The following CDH19 variants were observed in gnomAD, a reference collection of about 807,000 sequenced individuals.
CDH19 encodes cadherin 19, also known as cadherin-19.
Under a neutral mutation model 64.2 loss-of-function variants are expected in CDH19, and 67 were observed. That is an observed-to-expected ratio of 1.04 (90% CI 0.86 to 1.28). CDH19 has a LOEUF of 1.28. Among genes scored for constraint, CDH19 ranks in the 50% most tolerant of loss-of-function variants. CDH19 has a pLI of 0.00. For missense variants in CDH19, 1,030 were observed against 929.0 expected, an observed-to-expected ratio of 1.11 and a Z score of -1.41; for synonymous variants, 346 against 319.3, an observed-to-expected ratio of 1.08 and a Z score of -0.89.
At chr18:66,596,576 T>G (rs1988894373) in intron 1 of CDH19, among the ~76,000 whole-genome samples, 1 of 151,982 alleles carries the variant, frequency 6.6e-6, no homozygotes, top group Non-Finnish European at 1.5e-5. Context: ...ATAAAATACC[T>G]AGGAACACAG....
chr18:66,555,520 T>C (rs371468202), intron 3 of CDH19, among the ~76,000 whole-genome samples: 1 of 151,922 alleles, frequency 6.6e-6, no homozygotes, highest in South Asian at 2.1e-4. Flanking sequence ...TAATGCTATT[T>C]AACATTTGTT....
chr18:66,564,536 A>C (rs566409973), intron 3 of CDH19, among the ~76,000 whole-genome samples: 1 of 152,062 alleles, frequency 6.6e-6, no homozygotes, highest in South Asian at 2.1e-4. Flanking sequence ...GAGAGTGGAT[A>C]GTCTTTTTAC....
chr18:66,505,259 C>T lies in CDH19; in HGVS notation c.1872G>A (p.Gln624=). The change falls in exon 12 of 12, where the codon CAG becomes CAA. Residue 624 remains glutamine, a synonymous_variant. Transcript: ENST00000262150. ...CTTCACTTTTCTCAGGAAATAGAAT[C>T]TGTTTTCTCCGTTGTTTTAAACCCA... ...LTLGLKQRRK[Q]ILFPEKSEDF... is the part of the protein sequence containing the mutation. 1 of 1,586,912 alleles carries T rather than the reference C, an allele frequency of 6.3e-7. No homozygotes were observed.
intron 3 of CDH19, among the ~76,000 whole-genome samples, chr18:66,561,593 T>C (rs1987725220): frequency 6.6e-6 from 1 of 152,088 alleles, no homozygotes; most frequent in South Asian, 2.1e-4. Flanking sequence ...GAAAAAATGC[T>C]TTTTGGGGGA....
At chr18:66,577,187 A>C (rs192211336) in intron 1 of CDH19, among the ~76,000 whole-genome samples, 9 of 151,998 alleles carry the variant, frequency 5.9e-5, no homozygotes, top group Admixed American at 1.3e-4. Flanking sequence ...AATTAAAATT[A>C]AAATACAAAA....
intron 8 of CDH19, among the ~76,000 whole-genome samples, chr18:66,530,219 A>G (rs1986389921): frequency 1.3e-5 from 2 of 152,112 alleles, no homozygotes; most frequent in African/African-American, 2.4e-5. Flanking sequence ...GTAATAAGTG[A>G]TGAGAAAAAG....
chr18:66,587,274 G>A (rs188511482), intron 1 of CDH19, among the ~76,000 whole-genome samples: 1 of 152,236 alleles, frequency 6.6e-6, no homozygotes, highest in Non-Finnish European at 1.5e-5. Context: ...GAAACGCAGA[G>A]GTTAAGATAC....
At chr18:66,561,813 C>A (rs1987733223) in intron 3 of CDH19, among the ~76,000 whole-genome samples, 1 of 152,030 alleles carries the variant, frequency 6.6e-6, no homozygotes, top group African/African-American at 2.4e-5. Flanking sequence ...TGATAATAAA[C>A]ATACAAATAT....
At chr18:66,563,171 C>A (rs1253277737) in intron 3 of CDH19, among the ~76,000 whole-genome samples, 1 of 151,922 alleles carries the variant, frequency 6.6e-6, no homozygotes, top group Admixed American at 6.6e-5. Flanking sequence ...AAATTAGCAA[C>A]CTGTGGCGAG....
At chr18:66,566,192 GA>G (rs2144563000) in intron 3 of CDH19, among the ~76,000 whole-genome samples, 1 of 151,298 alleles carries the variant, frequency 6.6e-6, no homozygotes, top group Admixed American at 6.6e-5. Context: ...TGACAAAATA[GA>G]AACGTTTATT....
intron 1 of CDH19, among the ~76,000 whole-genome samples, chr18:66,595,917 C>A (rs1451433020): frequency 2.0e-5 from 3 of 152,004 alleles, no homozygotes; most frequent in African/African-American, 7.3e-5. Flanking sequence ...AAGTCCTCAA[C>A]AAAATACTAA....
chr18:66,595,670 T>TA (rs1189657646), intron 1 of CDH19, among the ~76,000 whole-genome samples: 2 of 151,640 alleles, frequency 1.3e-5, no homozygotes, highest in African/African-American at 2.4e-5. Flanking sequence ...GAATCAGTAA[T>TA]AAAAAACCTA....
intron 8 of CDH19, among the ~76,000 whole-genome samples, chr18:66,533,041 T>C (rs1238616919): frequency 6.6e-6 from 1 of 152,112 alleles, no homozygotes; most frequent in East Asian, 1.9e-4. Flanking sequence ...TCACATTGTG[T>C]TTTAATGCTT....
intron 9 of CDH19, among the ~76,000 whole-genome samples, chr18:66,529,135 A>G (rs1231655830): frequency 1.3e-5 from 2 of 152,000 alleles, no homozygotes; most frequent in Non-Finnish European, 2.9e-5. Flanking sequence ...ATAAATTGTG[A>G]AGTAATGATA....
intron 1 of CDH19, among the ~76,000 whole-genome samples, chr18:66,595,168 C>A (rs544001944): frequency 6.6e-6 from 1 of 151,822 alleles, no homozygotes. Flanking sequence ...ACACAACATA[C>A]CAGAATCTCT....
chr18:66,585,876 A>G (rs1458908897), intron 1 of CDH19, among the ~76,000 whole-genome samples: 2 of 152,072 alleles, frequency 1.3e-5, no homozygotes, highest in Non-Finnish European at 2.9e-5. Flanking sequence ...GCAATACATG[A>G]TATTGCATGG....
intron 1 of CDH19, among the ~76,000 whole-genome samples, chr18:66,593,177 C>T (rs187627066): frequency 4.6e-5 from 7 of 151,778 alleles, no homozygotes; most frequent in African/African-American, 1.4e-4. Context: ...TTTCCATATA[C>T]TTATTGGCCT....
chr18:66,566,377 A>G (rs1309685779), intron 3 of CDH19, among the ~76,000 whole-genome samples: 2 of 150,258 alleles, frequency 1.3e-5, no homozygotes, highest in Non-Finnish European at 3.0e-5. Context: ...CCCATAGTAT[A>G]TAACAGTGCT....
At chr18:66,583,372 T>C (rs1437509340) in intron 1 of CDH19, among the ~76,000 whole-genome samples, 1 of 152,036 alleles carries the variant, frequency 6.6e-6, no homozygotes, top group Non-Finnish European at 1.5e-5. Flanking sequence ...GGAGGTACAT[T>C]TGCACGTTTG....
Sources: allele counts gnomAD v4.1 joint callset (sites outside exome capture counted in the v4.1 genomes callset), GRCh38; gene constraint gnomAD v4.1.1; transcripts MANE v1.5; gene names NCBI Gene and HGNC (gene_info 2026-07-23, HGNC 2026-07-21).